The following SLC10A1 variants were observed in gnomAD, a reference collection of about 807,000 sequenced individuals.
SLC10A1 encodes the protein solute carrier family 10 member 1.
In SLC10A1, 36 loss-of-function variants were observed where a neutral mutation model predicts 20.5. The observed-to-expected ratio is 1.75, with a 90% CI of 1.34 to 2.32. The LOEUF is 2.32. Among genes scored for constraint, SLC10A1 ranks in the 30% most tolerant of loss-of-function variants. SLC10A1 has a pLI of 0.00. For synonymous variants in SLC10A1, 188 were observed against 163.6 expected, an observed-to-expected ratio of 1.15 and a Z score of -1.14; for missense variants, 545 against 439.1, an observed-to-expected ratio of 1.24 and a Z score of -2.16.
chr14:69,791,394 G>A (rs948895508), intron 1 of SLC10A1, among the ~76,000 whole-genome samples: 2 of 151,646 alleles, frequency 1.3e-5, no homozygotes, highest in African/African-American at 2.4e-5. Flanking sequence ...TCTGCCTCCC[G>A]GGTTCACGCC....
intron 4 of SLC10A1, among the ~76,000 whole-genome samples, chr14:69,777,609 A>T (rs56307533): frequency 0.044 from 3,519 of 79,492 alleles, 225 homozygotes; most frequent in Non-Finnish European, 0.066. Flanking sequence ...TTTTTTTAAA[A>T]TTGGTGTTAA....
At position 69,786,111 on chromosome 14, in the gene SLC10A1, G is replaced by C; in HGVS notation, c.553C>G (p.Arg185Gly). 6.2e-7 allele frequency: 1 copy of C among 1,613,928 alleles called. No homozygotes were observed. The change falls in exon 2 of 5, where the codon CGC (arginine) becomes GGC (glycine). Residue 185 changes from arginine to glycine, a missense_variant. Coordinates refer to ENST00000216540, the MANE Select transcript of SLC10A1 (RefSeq NM_003049.4). Reference protein sequence around the residue: ...VLKSKRPQYMRYVIKGGMIII... With the variant: ...VLKSKRPQYMGYVIKGGMIII... ...CAGGTTCTTACCTTGATGACATAGC[G>C]CATGTATTGTGGCCGTTTGGATTTG...
chr14:69,789,821 T>TA (rs950919892), intron 1 of SLC10A1, among the ~76,000 whole-genome samples: 7 of 151,768 alleles, frequency 4.6e-5, no homozygotes, highest in African/African-American at 1.7e-4. Flanking sequence ...TTAAGCACCT[T>TA]AAGAGGTTAG....
intron 2 of SLC10A1, among the ~76,000 whole-genome samples, chr14:69,784,354 A>G (rs1883664289): frequency 6.6e-6 from 1 of 152,202 alleles, no homozygotes; most frequent in South Asian, 2.1e-4. Flanking sequence ...GGATTTGGCA[A>G]AGAAAGTGGA....
intron 1 of SLC10A1, among the ~76,000 whole-genome samples, chr14:69,788,718 T>C (rs1044007321): frequency 5.9e-5 from 9 of 151,842 alleles, no homozygotes; most frequent in African/African-American, 2.2e-4. Flanking sequence ...CTAATTTTTT[T>C]TGTATTTTTA....
rs1295493910 is a variant in SLC10A1 at position 69,779,245 on chromosome 14, A to G, written c.683T>C (p.Leu228Pro). 8.7e-6 allele frequency: 14 copies of G among 1,613,820 alleles called. No homozygotes were observed. The highest frequency in any genetic ancestry group is 1.2e-5 in the Non-Finnish European group (14 of 1,179,946). The change falls in exon 3 of 5, where the codon CTG (leucine) becomes CCG (proline). Residue 228 changes from leucine to proline, a missense_variant. Transcript: ENST00000216540. ...MTPLLIATSS[L>P]MPFIGFLLGY... ...CAGCAGAAAGCCAATAAAAGGCATCAGGGAGGAGGTGGCAATCAAGAGTGG... is the reference window on the plus strand; with the variant it reads ...CAGCAGAAAGCCAATAAAAGGCATCGGGGAGGAGGTGGCAATCAAGAGTGG...
At chr14:69,778,619 A>C in intron 3 of SLC10A1, 90 bp from the exon 4 acceptor site, 1 of 1,144,862 alleles carries the variant, frequency 8.7e-7, no homozygotes, top group Non-Finnish European at 1.2e-6. Flanking sequence ...GTTTCGCAGC[A>C]GATGGAATCT....
chr14:69,792,138 A>G (rs1188787592), intron 1 of SLC10A1, among the ~76,000 whole-genome samples: 1 of 152,092 alleles, frequency 6.6e-6, no homozygotes, highest in Non-Finnish European at 1.5e-5. Flanking sequence ...ATTTTTTAGT[A>G]GAGACGGGGT....
Position 69,796,903 on chromosome 14 carries a change from G to C in SLC10A1, c.253C>G (p.Leu85Val), listed in dbSNP as rs1399265911. ...TAFVLGKVFR[L>V]KNIEALAILV... ...ATGGCCAGTGCCTCAATGTTCTTCA[G>C]CCGGAAGACCTTGCCCAGCACAAAG... The change falls in exon 1 of 5, where the codon CTG (leucine) becomes GTG (valine). Residue 85 changes from leucine (L) to valine (V), a missense_variant. Coordinates refer to ENST00000216540, the MANE Select transcript of SLC10A1 (RefSeq NM_003049.4). The C allele has an allele frequency of 6.2e-7, 1 of 1,614,230 alleles. No individual in the cohort carries two copies.
chr14:69,786,110 C>T lies in SLC10A1; in HGVS notation c.554G>A (p.Arg185His), dbSNP rs202056811. The change falls in exon 2 of 5, where the codon CGC (arginine) becomes CAC (histidine). Residue 185 changes from arginine to histidine, a missense_variant. Transcript: ENST00000216540. Reference protein sequence around the residue: ...VLKSKRPQYMRYVIKGGMIII... With the variant: ...VLKSKRPQYMHYVIKGGMIII... Reference sequence around the variant, plus strand: ...CCAGGTTCTTACCTTGATGACATAGCGCATGTATTGTGGCCGTTTGGATTT... The same window carrying T: ...CCAGGTTCTTACCTTGATGACATAGTGCATGTATTGTGGCCGTTTGGATTT... 25 of 1,613,852 alleles carry T rather than the reference C, an allele frequency of 1.5e-5. No homozygotes were observed. The highest frequency in any genetic ancestry group is 4.4e-5 in the South Asian group (4 of 91,078).
intron 4 of SLC10A1, among the ~76,000 whole-genome samples, chr14:69,777,588 T>TG (rs1566633932): frequency 1.1e-5 from 1 of 93,152 alleles, no homozygotes; most frequent in Non-Finnish European, 2.0e-5. Flanking sequence ...GTTTTTTTTT[T>TG]TTTTTTTTTT....
chr14:69,795,417 T>TGA, intron 1 of SLC10A1, among the ~76,000 whole-genome samples: 1 of 149,724 alleles, frequency 6.7e-6, no homozygotes, highest in African/African-American at 2.5e-5. Flanking sequence ...TTTTTTTTTT[T>TGA]GAGAGAGAGA....
At chr14:69,789,914 G>GGTTT (rs531791169) in intron 1 of SLC10A1, among the ~76,000 whole-genome samples, 1 of 142,874 alleles carries the variant, frequency 7.0e-6, no homozygotes, top group African/African-American at 2.6e-5. Context: ...CAAAAATAGG[G>GGTTT]TTTTTTTTTT....
At chr14:69,781,429 A>G (rs1883589626) in intron 2 of SLC10A1, among the ~76,000 whole-genome samples, 1 of 152,202 alleles carries the variant, frequency 6.6e-6, no homozygotes, top group South Asian at 2.1e-4. Context: ...TCTACCCACA[A>G]AGGTGGCCCG....
At chr14:69,782,351 G>A (rs745371799) in intron 2 of SLC10A1, among the ~76,000 whole-genome samples, 4 of 152,198 alleles carry the variant, frequency 2.6e-5, no homozygotes, top group African/African-American at 7.2e-5. Context: ...ACTTCATTTC[G>A]TCTGTGGCAT....
At chr14:69,781,629 T>C (rs113594012) in intron 2 of SLC10A1, among the ~76,000 whole-genome samples, 2,820 of 152,218 alleles carry the variant, frequency 0.019, 53 homozygotes, top group Non-Finnish European at 0.027. Context: ...GTGTGGGAAA[T>C]GCATGAGTAG....
chr14:69,776,570 C>T (rs937989913), intron 4 of SLC10A1, among the ~76,000 whole-genome samples, 182 bp from the exon 5 acceptor site: 1 of 152,166 alleles, frequency 6.6e-6, no homozygotes, highest in African/African-American at 2.4e-5. Flanking sequence ...CTCAGTCTCC[C>T]TAATGGTAGT....
chr14:69,789,089 A>G (rs1302493077), intron 1 of SLC10A1, among the ~76,000 whole-genome samples: 1 of 152,222 alleles, frequency 6.6e-6, no homozygotes, highest in Non-Finnish European at 1.5e-5. Context: ...TATATGGAAA[A>G]TTAGGAATCC....
chr14:69,776,986 G>A (rs927978590), intron 4 of SLC10A1, among the ~76,000 whole-genome samples: 3 of 152,172 alleles, frequency 2.0e-5, no homozygotes, highest in Non-Finnish European at 2.9e-5. Context: ...AAAGAAATAC[G>A]TTGCTTTGAT....
Sources: gnomAD v4.1 joint callset for allele counts (sites outside exome capture counted in the v4.1 genomes callset) on GRCh38, gnomAD v4.1.1 for gene constraint, MANE v1.5 for transcripts, NCBI Gene and HGNC (gene_info 2026-07-23, HGNC 2026-07-21) for gene names.